Variants in ANK3 observed in about 807,000 individuals in gnomAD.
The protein encoded by ANK3 is ankyrin-3.
A neutral mutation model predicts 370.9 loss-of-function variants in ANK3; 57 were observed. That is an observed-to-expected ratio of 0.15 (90% confidence interval 0.12 to 0.19). ANK3 has a LOEUF of 0.19. ANK3 is among the 10% of genes least tolerant of loss of function. ANK3 has a pLI of 1.00. For synonymous variants in ANK3, 1,929 were observed against 1,946.3 expected (o/e 0.99, Z 0.23); for missense variants, 4,439 against 5,302.1 (o/e 0.84, Z 5.06).
rs1385043442 is a variant in ANK3, at chr10:60,240,279, CACATAT to C, written c.799-5499_799-5494del. On this transcript the variant is annotated intron_variant, in intron 7 of 43. Coordinates refer to ENST00000280772, the MANE Select transcript of ANK3 (RefSeq NM_020987.5). Reference sequence around the variant, plus strand: ...ACATATACACATATATATACACACACACATATATATATATATATATATATATATTTT... The same window carrying C: ...ACATATACACATATATATACACACACATATATATATATATATATATATTTT... Among the ~76,000 whole-genome samples the C allele has an allele frequency of 3.2e-4, 30 of 92,840 alleles. 1 individual carries two copies. Among genetic ancestry groups the C allele is most frequent in the African/African-American group, 1.2e-3 (27 of 23,230 alleles). 60.9% of individuals were successfully genotyped at this position (92,840 alleles called of 152,430 possible). A position where few individuals can be genotyped will look rare whatever the true frequency, so the allele number is the denominator to read the frequency against.
At chr10:60,465,776 C>CTTTTTT (rs1002378251) in intron 2 of ANK3, among the ~76,000 whole-genome samples, 1 of 132,884 alleles carries the variant, frequency 7.5e-6, no homozygotes. Context: ...TTTTCTTTTT[C>CTTTTTT]TTTTTTTTCT....
At chr10:60,211,900 A>G (rs1244297055) in intron 9 of ANK3, among the ~76,000 whole-genome samples, 1 of 123,204 alleles carries the variant, frequency 8.1e-6, no homozygotes, top group Admixed American at 7.8e-5. Flanking sequence ...GCCAAAAAAA[A>G]AAAAAAAAAA....
chr10:60,591,792 G>C (rs1280178048), intron 2 of ANK3, among the ~76,000 whole-genome samples: 1 of 152,084 alleles, frequency 6.6e-6, no homozygotes, highest in Non-Finnish European at 1.5e-5. Flanking sequence ...TGGAACTGGA[G>C]GTCATTATTT....
chr10:60,174,560 T>TC (rs1399166422), intron 18 of ANK3, among the ~76,000 whole-genome samples: 11 of 152,326 alleles, frequency 7.2e-5, no homozygotes, highest in African/African-American at 2.4e-4. Context: ...TAACATTATT[T>TC]CCAAGTTCAA....
chr10:60,670,071 C>T (rs750148367), intron 1 of ANK3, among the ~76,000 whole-genome samples: 11 of 152,066 alleles, frequency 7.2e-5, no homozygotes, highest in Non-Finnish European at 1.5e-4. Flanking sequence ...GGGATCCTTT[C>T]GTCTCAGCCT....
Position 60,626,008 on chromosome 10 carries a change from A to G in ANK3, c.58-10784T>C, listed in dbSNP as rs146817258. Among the ~76,000 whole-genome samples, 417 of 152,310 alleles carry G rather than the reference A, an allele frequency of 2.7e-3. 1 individual carries two copies. Among genetic ancestry groups the G allele is most frequent in the African/African-American group, 9.3e-3 (385 of 41,578 alleles). On this transcript the variant is annotated intron_variant, in intron 1 of 43. Coordinates refer to the ANK3 transcript ENST00000373827. ...AAAATAAGGGTTCTTATATTTCTTT[A>G]TTGAACAAGAAAAGAAAAAAGAACA...
At chr10:60,246,626 T>C (rs1157536935) in intron 7 of ANK3, among the ~76,000 whole-genome samples, 2 of 152,210 alleles carry the variant, frequency 1.3e-5, no homozygotes, top group Admixed American at 6.6e-5. Flanking sequence ...TTGCTGTTTG[T>C]TGTGAAGTCA....
At chr10:60,059,787 T>TCTAAGGAAGCGTCTTCTGCAG (rs2079974614) in intron 40 of ANK3, 8 of 1,614,114 alleles carry the variant, frequency 5.0e-6, no homozygotes, top group Admixed American at 3.3e-5. Context: ...TTTGCTGTCT[T>TCTAAGGAAGCGTCTTCTGCAG]CTAAGGAAGC....
intron 1 of ANK3, among the ~76,000 whole-genome samples, chr10:60,636,332 T>A (rs2078554495): frequency 6.6e-6 from 1 of 151,898 alleles, no homozygotes; most frequent in Non-Finnish European, 1.5e-5. Flanking sequence ...TTCAAAGGGG[T>A]TAGTGACTTG....
intron 1 of ANK3, among the ~76,000 whole-genome samples, chr10:60,354,341 C>T (rs528709574): frequency 3.3e-5 from 5 of 152,198 alleles, no homozygotes; most frequent in Non-Finnish European, 5.9e-5. Context: ...GTGCTTTATG[C>T]CTTTTGATAA....
chr10:60,182,886 C>A (rs1417698712), intron 17 of ANK3, among the ~76,000 whole-genome samples: 1 of 152,218 alleles, frequency 6.6e-6, no homozygotes, highest in Non-Finnish European at 1.5e-5. Flanking sequence ...TGGCACCACC[C>A]AAACACTGAC....
At chr10:60,674,928 G>A (rs985491180) in intron 1 of ANK3, among the ~76,000 whole-genome samples, 3 of 152,000 alleles carry the variant, frequency 2.0e-5, no homozygotes, top group African/African-American at 7.2e-5. Flanking sequence ...AAAAAAAAGA[G>A]AACAAAAGCA....
chr10:60,455,564 T>C (rs1396601778), intron 2 of ANK3, among the ~76,000 whole-genome samples: 1 of 152,206 alleles, frequency 6.6e-6, no homozygotes, highest in Non-Finnish European at 1.5e-5. Context: ...TTAAATAGTT[T>C]AAAATGTTTC....
At chr10:60,663,540 C>T (rs1302811705) in intron 1 of ANK3, among the ~76,000 whole-genome samples, 1 of 152,148 alleles carries the variant, frequency 6.6e-6, no homozygotes, top group Non-Finnish European at 1.5e-5. Context: ...GGAGGGAAGC[C>T]CCAGGGTCTC....
chr10:60,627,755 A>T (rs2078431430), intron 1 of ANK3, among the ~76,000 whole-genome samples: 1 of 152,152 alleles, frequency 6.6e-6, no homozygotes, highest in African/African-American at 2.4e-5. Context: ...TCTTTAATTA[A>T]CATACACCTG....
intron 1 of ANK3, among the ~76,000 whole-genome samples, chr10:60,691,052 T>G (rs1009607544): frequency 3.3e-5 from 5 of 152,162 alleles, no homozygotes; most frequent in African/African-American, 1.2e-4. Context: ...AGGTCAATTG[T>G]GTATGTGTGT....
chr10:60,449,724 T>C (rs2064546663), intron 2 of ANK3, among the ~76,000 whole-genome samples: 1 of 152,200 alleles, frequency 6.6e-6, no homozygotes, highest in Non-Finnish European at 1.5e-5. Context: ...GCATTGGCAT[T>C]ACTCTCTTCA....
chr10:60,127,864 A>AT (rs113821849), intron 25 of ANK3, among the ~76,000 whole-genome samples: 6,580 of 151,798 alleles, frequency 0.043, 174 homozygotes, highest in Non-Finnish European at 0.056. Context: ...TGCCCGGCTA[A>AT]TTTTTTGTAG....
At chr10:60,138,391 A>T in intron 24 of ANK3, 1 of 296,164 alleles carries the variant, frequency 3.4e-6, no homozygotes. Context: ...ATTTGTCACC[A>T]TTCCTGTCTG....
Sources: allele counts gnomAD v4.1 joint callset (sites outside exome capture counted in the v4.1 genomes callset), GRCh38; gene constraint gnomAD v4.1.1; transcripts MANE v1.5; gene names NCBI Gene and HGNC (gene_info 2026-07-23, HGNC 2026-07-21).